The following LHFPL3 variants were observed in gnomAD, a reference collection of about 807,000 sequenced individuals.
The protein encoded by LHFPL3 is LHFPL tetraspan subfamily member 3, also known as LHFPL tetraspan subfamily member 3 protein.
A neutral mutation model predicts 19.3 loss-of-function variants in LHFPL3; 5 were observed. The observed-to-expected ratio is 0.26, with a 90% CI of 0.14 to 0.54. The LOEUF (loss-of-function observed/expected upper bound fraction) is 0.54. Ranked by LOEUF, LHFPL3 falls within the 20% of genes least tolerant of loss-of-function variation. The pLI, the probability that LHFPL3 is intolerant of heterozygous loss-of-function variation, is 0.94. For missense variants in LHFPL3, 249 were observed against 307.4 expected (o/e 0.81, Z 1.42); for synonymous variants, 133 against 126.2 (o/e 1.05, Z -0.36).
intron 1 of LHFPL3, among the ~76,000 whole-genome samples, chr7:104,648,668 A>C (rs1054121830): frequency 6.6e-6 from 1 of 152,186 alleles, no homozygotes; most frequent in Admixed American, 6.5e-5. Context: ...TGATGTGTAC[A>C]GCGCTTACTT....
intron 2 of LHFPL3, among the ~76,000 whole-genome samples, chr7:104,792,329 G>T (rs144998508): frequency 1.1e-4 from 17 of 152,320 alleles, no homozygotes; most frequent in African/African-American, 3.8e-4. Context: ...TTTCTGGCCA[G>T]CTTCTGGCCT....
intron 1 of LHFPL3, among the ~76,000 whole-genome samples, chr7:104,645,649 GTTTTCT>G (rs1791918327): frequency 1.7e-5 from 1 of 58,486 alleles, no homozygotes; most frequent in Non-Finnish European, 3.3e-5. Context: ...GCTCTATTGG[GTTTTCT>G]TTTTTTTTTT....
intron 2 of LHFPL3, among the ~76,000 whole-genome samples, chr7:104,755,033 T>A (rs1794256153): frequency 6.6e-6 from 1 of 152,190 alleles, no homozygotes; most frequent in African/African-American, 2.4e-5. Flanking sequence ...TATTTCTGTA[T>A]ACAAACCACC....
intron 2 of LHFPL3, among the ~76,000 whole-genome samples, chr7:104,882,968 A>C (rs1356919614): frequency 6.6e-6 from 1 of 152,242 alleles, no homozygotes; most frequent in Non-Finnish European, 1.5e-5. Flanking sequence ...CTAAAACCAG[A>C]AAAGTCCTGA....
chr7:104,496,486 G>A (rs987145180), intron 1 of LHFPL3, among the ~76,000 whole-genome samples: 2 of 152,188 alleles, frequency 1.3e-5, no homozygotes, highest in African/African-American at 4.8e-5. Context: ...TATATACCCA[G>A]TAATGGGATG....
chr7:104,742,796 G>A (rs1045050556), intron 2 of LHFPL3, among the ~76,000 whole-genome samples: 11 of 152,142 alleles, frequency 7.2e-5, no homozygotes, highest in African/African-American at 2.4e-4. Context: ...TCATATCAGT[G>A]AGCACATTAA....
At chr7:104,778,160 A>G (rs1030989535) in intron 2 of LHFPL3, among the ~76,000 whole-genome samples, 3 of 152,122 alleles carry the variant, frequency 2.0e-5, no homozygotes, top group Middle Eastern at 3.2e-3. Flanking sequence ...CCTTCTCATC[A>G]TATCTTTCAT....
chr7:104,512,427 C>G (rs1415308705), intron 1 of LHFPL3, among the ~76,000 whole-genome samples: 1 of 151,736 alleles, frequency 6.6e-6, no homozygotes, highest in African/African-American at 2.4e-5. Flanking sequence ...ATCTAGCAGG[C>G]TCTATGTTGC....
At chr7:104,858,372 C>T (rs1791550014) in intron 2 of LHFPL3, among the ~76,000 whole-genome samples, 1 of 152,238 alleles carries the variant, frequency 6.6e-6, no homozygotes, top group African/African-American at 2.4e-5. Flanking sequence ...CAGGACCACA[C>T]CCATACCCTA....
At chr7:104,551,815 G>C (rs968914437) in intron 1 of LHFPL3, among the ~76,000 whole-genome samples, 4 of 152,156 alleles carry the variant, frequency 2.6e-5, no homozygotes, top group African/African-American at 9.7e-5. Flanking sequence ...GGAGAAGCAG[G>C]AGAACGGAGG....
chr7:104,685,581 G>T (rs924579871), intron 1 of LHFPL3, among the ~76,000 whole-genome samples: 1 of 152,148 alleles, frequency 6.6e-6, no homozygotes, highest in Non-Finnish European at 1.5e-5. Flanking sequence ...TTGAGAGTCA[G>T]AGTATAAGAG....
intron 1 of LHFPL3, among the ~76,000 whole-genome samples, chr7:104,498,944 C>T (rs1484114875): frequency 1.3e-5 from 2 of 152,138 alleles, no homozygotes; most frequent in Non-Finnish European, 2.9e-5. Context: ...CCTTTGAAGA[C>T]CAATTCCAAA....
chr7:104,822,599 A>C (rs1484318322), intron 2 of LHFPL3, among the ~76,000 whole-genome samples: 1 of 152,118 alleles, frequency 6.6e-6, no homozygotes, highest in East Asian at 1.9e-4. Flanking sequence ...TGAGAGTGAA[A>C]ATTTCTCCCA....
chr7:104,444,821 T>C (rs1224798616), intron 1 of LHFPL3, among the ~76,000 whole-genome samples: 1 of 152,078 alleles, frequency 6.6e-6, no homozygotes, highest in African/African-American at 2.4e-5. Context: ...AAACCCTGCC[T>C]CTACAAAAAA....
intron 1 of LHFPL3, among the ~76,000 whole-genome samples, chr7:104,364,235 A>G (rs1790443045): frequency 6.6e-6 from 1 of 152,232 alleles, no homozygotes; most frequent in African/African-American, 2.4e-5. Context: ...CTATAGGCAA[A>G]GTTTGATGAA....
chr7:104,894,091 G>T (rs1290830773), intron 2 of LHFPL3, among the ~76,000 whole-genome samples: 1 of 152,098 alleles, frequency 6.6e-6, no homozygotes, highest in African/African-American at 2.4e-5. Flanking sequence ...CTTGTCTAGG[G>T]GTTAAATCTA....
chr7:104,663,069 G>A lies in LHFPL3; in HGVS notation c.446-73606G>A, dbSNP rs182806930. On this transcript the variant is annotated intron_variant, in intron 1 of 2. Transcript: ENST00000424859. ...TAGTGTTTATTTGTATGCCTATTCTGTCAGTGTTAATTTCACTATGTAAAA... is the reference window on the plus strand; with the variant it reads ...TAGTGTTTATTTGTATGCCTATTCTATCAGTGTTAATTTCACTATGTAAAA... Among the ~76,000 whole-genome samples, 14 of 152,240 alleles carry A rather than the reference G, an allele frequency of 9.2e-5. No homozygotes were observed. The East Asian group carries it at 1.9e-3, about 21-fold the overall frequency.
At chr7:104,884,986 G>T (rs1427847696) in intron 2 of LHFPL3, among the ~76,000 whole-genome samples, 1 of 152,110 alleles carries the variant, frequency 6.6e-6, no homozygotes. Flanking sequence ...AGCAGGCAGG[G>T]GAGAGGGAAG....
At chr7:104,902,294 A>G (rs1366280822) in intron 2 of LHFPL3, among the ~76,000 whole-genome samples, 1 of 151,868 alleles carries the variant, frequency 6.6e-6, no homozygotes, top group Non-Finnish European at 1.5e-5. Context: ...AGGTGGGAGG[A>G]TCATTTGAGC....
Sources: allele counts gnomAD v4.1 joint callset (sites outside exome capture counted in the v4.1 genomes callset), GRCh38; gene constraint gnomAD v4.1.1; transcripts MANE v1.5; gene names NCBI Gene and HGNC (gene_info 2026-07-23, HGNC 2026-07-21).